Variants in SMARCB1 observed in about 807,000 individuals in gnomAD.
The protein encoded by SMARCB1 is SWI/SNF related BAF chromatin remodeling complex subunit B1, also known as SWI/SNF-related matrix-associated actin-dependent regulator of chromatin subfamily B member 1.
Under a neutral mutation model 49.0 loss-of-function variants are expected in SMARCB1, and 5 were observed. That is an observed-to-expected ratio of 0.10 (90% confidence interval 0.05 to 0.21). SMARCB1 has a LOEUF of 0.21. Among genes scored for constraint, SMARCB1 ranks in the 10% least tolerant of loss-of-function variants. The pLI, the probability that SMARCB1 is intolerant of heterozygous loss-of-function variation, is 1.00. For missense variants in SMARCB1, 226 were observed against 509.2 expected (o/e 0.44, Z 5.35); for synonymous variants, 201 against 200.1 (o/e 1.00, Z -0.04).
At chr22:23,827,552 C>G (rs1311723414) in intron 7 of SMARCB1, among the ~76,000 whole-genome samples, 1 of 152,206 alleles carries the variant, frequency 6.6e-6, no homozygotes, top group Non-Finnish European at 1.5e-5. Context: ...GGGGGCATCA[C>G]AGACCCCCTG....
At chr22:23,804,691 G>T (rs36100652) in intron 5 of SMARCB1, among the ~76,000 whole-genome samples, 1 of 152,088 alleles carries the variant, frequency 6.6e-6, no homozygotes, top group Non-Finnish European at 1.5e-5. Flanking sequence ...CTACAGGCGC[G>T]TGCCACCATG....
At chr22:23,812,865 A>T (rs1464479021) in intron 5 of SMARCB1, among the ~76,000 whole-genome samples, 4 of 137,800 alleles carry the variant, frequency 2.9e-5, no homozygotes, top group Admixed American at 7.5e-5. Flanking sequence ...TCCTGTTGCT[A>T]TTTTTTTTTT....
chr22:23,807,074 G>A (rs2145989658), intron 5 of SMARCB1, among the ~76,000 whole-genome samples: 1 of 152,292 alleles, frequency 6.6e-6, no homozygotes, highest in East Asian at 1.9e-4. Flanking sequence ...ACAGCCTGCT[G>A]AGGGAGGGAA....
intron 5 of SMARCB1, among the ~76,000 whole-genome samples, chr22:23,810,270 T>G (rs1464932346): frequency 1.3e-5 from 2 of 151,592 alleles, no homozygotes; most frequent in East Asian, 3.9e-4. Context: ...CTCCCACCTG[T>G]AATCCCAGCA....
chr22:23,835,358 G>A lies in SMARCB1; in HGVS notation c.*1178G>A. The A allele has an allele frequency of 2.0e-6, 2 of 992,788 alleles. No homozygotes were observed. Among genetic ancestry groups the A allele is most frequent in the Non-Finnish European group, 2.4e-6 (2 of 835,220 alleles). 61.5% of individuals were successfully genotyped at this position (992,788 alleles called of 1,614,324 possible). A position where few individuals can be genotyped will look rare whatever the true frequency, so the allele number is the denominator to read the frequency against. On this transcript the variant is annotated 3_prime_UTR_variant, in exon 9 of 9. Coordinates refer to ENST00000644036, the MANE Select transcript of SMARCB1 (RefSeq NM_003073.5). Reference sequence around the variant, plus strand: ...GGCACAGATCCCAGCACAGACTGCTGCCACCCTCAGCTGTTGGCAGGTCCC... The same window carrying A: ...GGCACAGATCCCAGCACAGACTGCTACCACCCTCAGCTGTTGGCAGGTCCC...
intron 8 of SMARCB1, 143 bp from the exon 9 acceptor site, chr22:23,833,995 GAGA>G: frequency 1.1e-6 from 1 of 888,676 alleles, no homozygotes; most frequent in Non-Finnish European, 1.8e-6. Flanking sequence ...GCGAGGCTGA[GAGA>G]AGGCTGGGTC....
intron 3 of SMARCB1, among the ~76,000 whole-genome samples, chr22:23,794,691 G>A (rs1348307719): frequency 1.3e-5 from 2 of 152,202 alleles, no homozygotes; most frequent in Admixed American, 6.5e-5. Flanking sequence ...CTGAGGTCAG[G>A]AGTTAGAGAG....
intron 3 of SMARCB1, among the ~76,000 whole-genome samples, chr22:23,794,279 CTG>C (rs1928605888): frequency 6.6e-6 from 1 of 152,238 alleles, no homozygotes; most frequent in African/African-American, 2.4e-5. Context: ...ACAGTTCCCT[CTG>C]TTTTTATACA....
At chr22:23,826,164 G>T in intron 7 of SMARCB1, 1 of 151,960 alleles carries the variant, frequency 6.6e-6, no homozygotes, top group Non-Finnish European at 1.5e-5. Context: ...CACACCTGCA[G>T]TCCTAGCACT....
At chr22:23,812,204 C>T (rs570590204) in intron 5 of SMARCB1, among the ~76,000 whole-genome samples, 1 of 152,150 alleles carries the variant, frequency 6.6e-6, no homozygotes, top group African/African-American at 2.4e-5. Context: ...ACCTGTAATC[C>T]CAGCTCTTTG....
chr22:23,818,952 C>T (rs1381810346), intron 6 of SMARCB1, among the ~76,000 whole-genome samples: 3 of 151,894 alleles, frequency 2.0e-5, no homozygotes, highest in Non-Finnish European at 4.4e-5. Flanking sequence ...GTGATCCACC[C>T]GGTGCAGCCT....
chr22:23,797,232 T>A (rs541168159), intron 3 of SMARCB1, among the ~76,000 whole-genome samples: 23 of 150,296 alleles, frequency 1.5e-4, no homozygotes, highest in African/African-American at 5.1e-4. Context: ...TCTCCTGACC[T>A]CGTGATCCGC....
intron 3 of SMARCB1, among the ~76,000 whole-genome samples, chr22:23,794,822 C>G (rs897216364): frequency 6.6e-6 from 1 of 152,008 alleles, no homozygotes; most frequent in Admixed American, 6.6e-5. Context: ...TGCTTGAACC[C>G]GGGAGGTGGA....
chr22:23,822,685 C>T (rs1229668074), intron 6 of SMARCB1, among the ~76,000 whole-genome samples: 2 of 152,186 alleles, frequency 1.3e-5, no homozygotes, highest in Non-Finnish European at 2.9e-5. Flanking sequence ...TGGGCAGATC[C>T]GGGTACCAGA....
Position 23,835,798 on chromosome 22 carries a change from T to C in SMARCB1, c.*1618T>C. On this transcript the variant is annotated 3_prime_UTR_variant, in exon 9 of 9. Transcript: ENST00000644036. The stretch of plus-strand genomic sequence containing the variant: ...CACAACTGGGGGGATGGAAGGAACC[T>C]TGGCTGCCTCACCCCACAGGTCGGG... The C allele has an allele frequency of 2.0e-6, 2 of 985,500 alleles. No individual in the cohort carries two copies. Among genetic ancestry groups the C allele is most frequent in the Non-Finnish European group, 2.4e-6 (2 of 829,968 alleles). The allele number at this position is 985,500 out of a possible 1,614,324, so 61.0% of individuals were successfully genotyped here.
At chr22:23,808,148 G>A (rs1191512520) in intron 5 of SMARCB1, among the ~76,000 whole-genome samples, 3 of 143,340 alleles carry the variant, frequency 2.1e-5, no homozygotes, top group African/African-American at 2.6e-5. Flanking sequence ...TTTTTGAAAC[G>A]GAGTCTCTGT....
intron 2 of SMARCB1, 132 bp from the exon 3 acceptor site, chr22:23,793,427 G>A: frequency 1.1e-6 from 1 of 899,958 alleles, no homozygotes; most frequent in South Asian, 1.3e-5. Context: ...CCAGCATTCA[G>A]CAGTAGTAAG....
intron 5 of SMARCB1, among the ~76,000 whole-genome samples, chr22:23,806,264 A>G (rs1460547994): frequency 1.3e-5 from 2 of 152,204 alleles, no homozygotes; most frequent in Non-Finnish European, 2.9e-5. Flanking sequence ...AGGGCACAGT[A>G]TAGTAAGGAA....
chr22:23,797,608 C>CATTT (rs1928851078), intron 3 of SMARCB1, among the ~76,000 whole-genome samples: 1 of 46,220 alleles, frequency 2.2e-5, no homozygotes, highest in Non-Finnish European at 5.1e-5. Flanking sequence ...CTGCGCCTGG[C>CATTT]CTTTTTTTTT....
Sources: allele counts gnomAD v4.1 joint callset (sites outside exome capture counted in the v4.1 genomes callset), GRCh38; gene constraint gnomAD v4.1.1; transcripts MANE v1.5; gene names NCBI Gene and HGNC (gene_info 2026-07-23, HGNC 2026-07-21).